PCDH15: variants seen among roughly 807,000 people sequenced by gnomAD.
PCDH15 encodes protocadherin related 15, also known as protocadherin-15.
In PCDH15, 129 loss-of-function variants were observed where a neutral mutation model predicts 178.5. That is an observed-to-expected ratio of 0.72 (90% confidence interval 0.63 to 0.84). PCDH15 has a LOEUF of 0.84. Ranked by LOEUF, PCDH15 falls within the 40% of genes least tolerant of loss-of-function variation. PCDH15 has a pLI of 0.00. For missense variants in PCDH15, 2,230 were observed against 2,099.9 expected, an observed-to-expected ratio of 1.06 and a Z score of -1.21; for synonymous variants, 800 against 732.0, an observed-to-expected ratio of 1.09 and a Z score of -1.50.
chr10:54,502,277 G>A (rs1395709690), intron 3 of PCDH15, among the ~76,000 whole-genome samples: 1 of 152,026 alleles, frequency 6.6e-6, no homozygotes, highest in East Asian at 1.9e-4. Flanking sequence ...TATAATGCTT[G>A]GCACATAAAG....
At chr10:55,275,155 T>C (rs1842555616) in intron 1 of PCDH15, among the ~76,000 whole-genome samples, 1 of 151,696 alleles carries the variant, frequency 6.6e-6, no homozygotes, top group Admixed American at 6.6e-5. Context: ...TATTTTTTCT[T>C]CAATTTTGCA....
chr10:55,445,252 T>C (rs1014806292), intron 2 of PCDH15, among the ~76,000 whole-genome samples: 1 of 152,162 alleles, frequency 6.6e-6, no homozygotes, highest in Admixed American at 6.6e-5. Context: ...GACTGGTGTT[T>C]GAACACCTTG....
At chr10:54,745,517 T>C (rs1171420282) in intron 1 of PCDH15, among the ~76,000 whole-genome samples, 4 of 152,130 alleles carry the variant, frequency 2.6e-5, no homozygotes, top group Non-Finnish European at 5.9e-5. Context: ...GCTGAATGAG[T>C]GTGTTTTAGT....
At chr10:54,686,196 TA>T (rs1225320679) in intron 1 of PCDH15, among the ~76,000 whole-genome samples, 1 of 147,344 alleles carries the variant, frequency 6.8e-6, no homozygotes, top group Non-Finnish European at 1.5e-5. Context: ...ATTTTAATTA[TA>T]ACCCAGAGCT....
At chr10:55,589,081 CA>C (rs35940637) in intron 2 of PCDH15, among the ~76,000 whole-genome samples, 2,729 of 81,150 alleles carry the variant, frequency 0.034, 78 homozygotes, top group African/African-American at 0.11. Flanking sequence ...AATTCCGTGT[CA>C]AAAAAAAAAA....
chr10:54,363,282 T>C (rs756624174), intron 5 of PCDH15, among the ~76,000 whole-genome samples: 2 of 152,160 alleles, frequency 1.3e-5, no homozygotes, highest in African/African-American at 2.4e-5. Context: ...AGATAGTCTG[T>C]TACAAGAGTC....
Position 53,866,005 on chromosome 10 carries a change from C to T in PCDH15, c.3717+637G>A, listed in dbSNP as rs182413175. Among the ~76,000 whole-genome samples the T allele has an allele frequency of 8.0e-3, 1,224 of 152,214 alleles. 13 individuals are homozygous for T. Among genetic ancestry groups the T allele is most frequent in the Non-Finnish European group, 0.011 (775 of 67,986 alleles). ...TGGTGTTAAATATTTTCAATACAAG[C>T]TAATATCAAACTTCCCTTTCAAATG... is the stretch of plus-strand genomic sequence containing the variant. On this transcript the variant is annotated intron_variant, in intron 27 of 37. Transcript: ENST00000644397.
At chr10:55,464,152 G>A (rs1368819201) in intron 2 of PCDH15, among the ~76,000 whole-genome samples, 1 of 152,098 alleles carries the variant, frequency 6.6e-6, no homozygotes, top group Non-Finnish European at 1.5e-5. Context: ...AACCAATGTT[G>A]TTTTGTTTAA....
chr10:54,767,848 G>C (rs117557957), intron 1 of PCDH15, among the ~76,000 whole-genome samples: 1 of 152,046 alleles, frequency 6.6e-6, no homozygotes, highest in African/African-American at 2.4e-5. Flanking sequence ...GAAGCCCAAA[G>C]AGTTAGGACA....
chr10:54,906,979 G>A (rs535404089), intron 2 of PCDH15, among the ~76,000 whole-genome samples: 1 of 152,202 alleles, frequency 6.6e-6, no homozygotes, highest in African/African-American at 2.4e-5. Flanking sequence ...CAGTAAAAGT[G>A]AGTTTAATTA....
intron 2 of PCDH15, among the ~76,000 whole-genome samples, chr10:54,530,055 TAAA>T (rs2083754578): frequency 6.6e-6 from 1 of 152,024 alleles, no homozygotes; most frequent in Admixed American, 6.6e-5. Flanking sequence ...TATAGAATAA[TAAA>T]AGAAGGGGAA....
chr10:54,031,283 C>T (rs1023224255), intron 18 of PCDH15, among the ~76,000 whole-genome samples: 14 of 151,938 alleles, frequency 9.2e-5, no homozygotes, highest in Non-Finnish European at 1.9e-4. Context: ...CCAACTTAAA[C>T]GTTCAAAACC....
intron 26 of PCDH15, among the ~76,000 whole-genome samples, chr10:53,888,294 A>ATG (rs2081250474): frequency 1.4e-5 from 1 of 69,642 alleles, no homozygotes. Flanking sequence ...ATATATACAT[A>ATG]TATATATATA....
chr10:54,796,795 G>A (rs963803968), intron 1 of PCDH15, among the ~76,000 whole-genome samples: 8 of 151,660 alleles, frequency 5.3e-5, no homozygotes, highest in African/African-American at 1.2e-4. Context: ...TCTGTCTCTC[G>A]GACAGAGATG....
intron 2 of PCDH15, among the ~76,000 whole-genome samples, chr10:55,596,160 C>T (rs561725199): frequency 1.3e-5 from 2 of 151,944 alleles, no homozygotes; most frequent in South Asian, 2.1e-4. Flanking sequence ...TATTACACCA[C>T]CATATAGACA....
intron 13 of PCDH15, among the ~76,000 whole-genome samples, chr10:54,176,956 T>TA (rs5785043): frequency 0.44 from 65,518 of 148,468 alleles, 15,741 homozygotes; most frequent in African/African-American, 0.63. Context: ...TATGTCCATG[T>TA]AAAAAAAAAA....
intron 8 of PCDH15, among the ~76,000 whole-genome samples, chr10:54,283,295 A>G (rs1271036937): frequency 6.6e-6 from 1 of 152,154 alleles, no homozygotes; most frequent in Non-Finnish European, 1.5e-5. Context: ...TATTTCCCAT[A>G]CACGCTCCTG....
intron 32 of PCDH15, chr10:53,822,229 C>CTGAA (rs2076320567): frequency 6.2e-7 from 1 of 1,613,548 alleles, no homozygotes; most frequent in Admixed American, 1.7e-5. Flanking sequence ...AGAAATGAAG[C>CTGAA]TGAAGGAGGT....
At chr10:55,135,519 C>T (rs557945311) in intron 2 of PCDH15, among the ~76,000 whole-genome samples, 1 of 151,712 alleles carries the variant, frequency 6.6e-6, no homozygotes, top group African/African-American at 2.4e-5. Flanking sequence ...TGGGAGCCTT[C>T]CCTGGTCTCC....
Sources: gnomAD v4.1 joint callset for allele counts (sites outside exome capture counted in the v4.1 genomes callset) on GRCh38, gnomAD v4.1.1 for gene constraint, MANE v1.5 for transcripts, NCBI Gene and HGNC (gene_info 2026-07-23, HGNC 2026-07-21) for gene names.